Variants in NCAPH observed in about 807,000 individuals in gnomAD.
The protein encoded by NCAPH is non-SMC condensin I complex subunit H, also known as condensin complex subunit 2.
In NCAPH, 38 loss-of-function variants were observed where a neutral mutation model predicts 85.5. That is an observed-to-expected ratio of 0.44 (90% CI 0.34 to 0.58). NCAPH has a LOEUF of 0.58. Among genes scored for constraint, NCAPH ranks in the 20% least tolerant of loss-of-function variants. NCAPH has a pLI of 0.01. For synonymous variants in NCAPH, 301 were observed against 335.1 expected (o/e 0.90, Z 1.11); for missense variants, 789 against 916.6 (o/e 0.86, Z 1.80).
intron 17 of NCAPH, among the ~76,000 whole-genome samples, chr2:96,372,620 A>G (rs1048251504): frequency 6.6e-6 from 1 of 151,556 alleles, no homozygotes; most frequent in Non-Finnish European, 1.5e-5. Context: ...CCTGTGTCCA[A>G]CAGATCCACA....
At chr2:96,372,299 A>T (rs534522427) in intron 17 of NCAPH, among the ~76,000 whole-genome samples, 1 of 152,026 alleles carries the variant, frequency 6.6e-6, no homozygotes, top group African/African-American at 2.4e-5. Context: ...GCAGTGGGGT[A>T]GTTGAGGGGT....
intron 1 of NCAPH, among the ~76,000 whole-genome samples, chr2:96,336,770 T>C (rs1002469439): frequency 6.6e-6 from 1 of 152,188 alleles, no homozygotes; most frequent in Non-Finnish European, 1.5e-5. Context: ...CATTATCATA[T>C]AGACCATTAG....
At chr2:96,349,336 C>T (rs190098059) in intron 6 of NCAPH, among the ~76,000 whole-genome samples, 14 of 152,034 alleles carry the variant, frequency 9.2e-5, no homozygotes, top group Non-Finnish European at 1.5e-4. Context: ...GATGGATTGT[C>T]ACAAACAGAA....
chr2:96,358,508 A>G (rs950729023), intron 9 of NCAPH, among the ~76,000 whole-genome samples: 4 of 151,864 alleles, frequency 2.6e-5, no homozygotes, highest in East Asian at 1.9e-4. Context: ...TCACTCTGTC[A>G]CCCAGGCTGG....
rs1053346123 is a variant in NCAPH at position 96,341,578 on chromosome 2, C to T, written c.20-64C>T. 3.2e-6 allele frequency: 5 copies of T among 1,560,298 alleles called. No homozygotes were observed. The African/African-American group carries it at 5.4e-5, about 17-fold the overall frequency. On this transcript the variant is annotated intron_variant, in intron 1 of 17. Transcript: ENST00000240423. Reference sequence around the variant, plus strand: ...TGAACCTCCACCCCTGTGACAGGCTCAAGACTTCTTTGGATATAGGAAATG... The same window carrying T: ...TGAACCTCCACCCCTGTGACAGGCTTAAGACTTCTTTGGATATAGGAAATG...
intron 7 of NCAPH, among the ~76,000 whole-genome samples, chr2:96,353,086 C>T (rs2064468695): frequency 6.6e-6 from 1 of 152,230 alleles, no homozygotes; most frequent in Non-Finnish European, 1.5e-5. Context: ...CATAGCCTCA[C>T]TCCAGCGTGG....
chr2:96,349,091 G>C (rs2064401670), intron 6 of NCAPH, among the ~76,000 whole-genome samples: 1 of 152,146 alleles, frequency 6.6e-6, no homozygotes, highest in Non-Finnish European at 1.5e-5. Flanking sequence ...GAGGAAAACG[G>C]ACTATTTCCC....
chr2:96,361,967 C>T (rs1411369654), intron 12 of NCAPH, among the ~76,000 whole-genome samples: 1 of 150,866 alleles, frequency 6.6e-6, no homozygotes, highest in Non-Finnish European at 1.5e-5. Flanking sequence ...TAACTTTGAA[C>T]TCCTGGATTC....
At chr2:96,349,689 G>C (rs1236594396) in intron 6 of NCAPH, among the ~76,000 whole-genome samples, 1 of 152,210 alleles carries the variant, frequency 6.6e-6, no homozygotes, top group African/African-American at 2.4e-5. Flanking sequence ...TTGGAGATCA[G>C]AAAGCAAATG....
chr2:96,341,851 T>A lies in NCAPH; in HGVS notation c.229T>A (p.Phe77Ile). ...RRRSRVFDLQ[F>I]STDSPRLLAS... ...GCGCTCGAGGGTCTTTGATCTGCAG[T>A]TCAGCACTGACTCACCTCGCTTATT... Residue 77 changes from phenylalanine to isoleucine, a missense_variant, in exon 2 of 18, where the codon TTC (phenylalanine) becomes ATC (isoleucine). By Grantham distance (21) the Phe-to-Ile change is conservative. Transcript: ENST00000240423. The A allele has an allele frequency of 1.2e-6, 2 of 1,613,118 alleles. No homozygotes were observed. The highest frequency in any genetic ancestry group is 1.7e-6 in the Non-Finnish European group (2 of 1,179,998).
chr2:96,354,400 A>C lies in NCAPH; in HGVS notation c.1208+12A>C. ...GTTCAGAGCTGCCAGTAAGGCTCTC[A>C]GAGTCCGAAAGTGTTTCTATAGGAG... On this transcript the variant is annotated intron_variant, in intron 9 of 17. Transcript: ENST00000240423. The C allele has an allele frequency of 2.0e-6, 3 of 1,523,482 alleles. No homozygotes were observed. Among genetic ancestry groups the C allele is most frequent in the South Asian group, 1.3e-5 (1 of 78,742 alleles). 94.4% of individuals were successfully genotyped at this position (1,523,482 alleles called of 1,614,324 possible).
At chr2:96,368,588 T>G (rs938980330) in intron 15 of NCAPH, among the ~76,000 whole-genome samples, 1 of 151,754 alleles carries the variant, frequency 6.6e-6, no homozygotes, top group African/African-American at 2.4e-5. Flanking sequence ...ACCCGGGAGG[T>G]GGAGCTTGCA....
chr2:96,337,446 G>A (rs1158308157), intron 1 of NCAPH, among the ~76,000 whole-genome samples: 1 of 152,136 alleles, frequency 6.6e-6, no homozygotes, highest in African/African-American at 2.4e-5. Flanking sequence ...TTGAGACGGA[G>A]TCTCGCTCTA....
chr2:96,364,950 C>A (rs1333249380), intron 13 of NCAPH, among the ~76,000 whole-genome samples: 1 of 152,028 alleles, frequency 6.6e-6, no homozygotes, highest in Non-Finnish European at 1.5e-5. Context: ...AATATTTTGG[C>A]CAGGTAGACA....
chr2:96,371,013 C>G (rs564921125), intron 17 of NCAPH, among the ~76,000 whole-genome samples: 1 of 152,302 alleles, frequency 6.6e-6, no homozygotes, highest in East Asian at 1.9e-4. Flanking sequence ...GTGGTAGTTC[C>G]TATACCTGAC....
intron 7 of NCAPH, 36 bp from the exon 8 acceptor site, chr2:96,353,270 T>C (rs1312977566): frequency 2.0e-5 from 31 of 1,579,238 alleles, no homozygotes; most frequent in Non-Finnish European, 2.5e-5. Flanking sequence ...TTGACCCCCT[T>C]CTAATCTCTC....
intron 6 of NCAPH, among the ~76,000 whole-genome samples, chr2:96,349,477 G>A (rs1423764457): frequency 6.6e-6 from 1 of 151,998 alleles, no homozygotes; most frequent in Non-Finnish European, 1.5e-5. Flanking sequence ...CACCTCCTGG[G>A]TTCAAGCAAT....
intron 9 of NCAPH, among the ~76,000 whole-genome samples, chr2:96,358,769 A>G (rs1380069456): frequency 1.3e-5 from 2 of 152,146 alleles, no homozygotes; most frequent in Non-Finnish European, 2.9e-5. Context: ...CGCCCAGCCA[A>G]AAGAATTCTC....
chr2:96,374,320 C>G lies in NCAPH; in HGVS notation c.*969C>G, dbSNP rs1469376437. Among the ~76,000 whole-genome samples, 1 of 152,186 alleles carries G rather than the reference C, an allele frequency of 6.6e-6. No individual in the cohort carries two copies. The highest frequency in any genetic ancestry group is 2.4e-5 in the African/African-American group (1 of 41,442). ...GCTCAGCAGTGGGTGGAGAGCAGTG[C>G]TCAGATTTGTCCATCTCCACAGAAT... is the stretch of plus-strand genomic sequence containing the variant. On this transcript the variant is annotated 3_prime_UTR_variant, in exon 18 of 18. Coordinates refer to ENST00000240423, the MANE Select transcript of NCAPH (RefSeq NM_015341.5).
Sources: allele counts gnomAD v4.1 joint callset (sites outside exome capture counted in the v4.1 genomes callset), GRCh38; gene constraint gnomAD v4.1.1; transcripts MANE v1.5; gene names NCBI Gene and HGNC (gene_info 2026-07-23, HGNC 2026-07-21).